ADGRL4: variants seen among roughly 807,000 people sequenced by gnomAD.
ADGRL4 encodes the protein EGF, latrophilin and seven transmembrane domain containing 1.
In ADGRL4, 90 loss-of-function variants were observed where a neutral mutation model predicts 74.8. The ratio of observed to expected loss-of-function variants is 1.20; its 90% CI spans 1.02 to 1.43. The LOEUF is 1.43. Among genes scored for constraint, ADGRL4 ranks in the 40% most tolerant of loss-of-function variants. The pLI, the probability that ADGRL4 is intolerant of heterozygous loss-of-function variation, is 0.00. For synonymous variants in ADGRL4, 311 were observed against 279.2 expected, an observed-to-expected ratio of 1.11 and a Z score of -1.14; for missense variants, 881 against 814.3, an observed-to-expected ratio of 1.08 and a Z score of -1.00.
At position 78,891,703 on chromosome 1, in the gene ADGRL4, T is replaced by C. The variant is rs747196632; in HGVS notation, c.1842-11A>G. On this transcript the variant is annotated splice_polypyrimidine_tract_variant and intron_variant, in intron 13 of 14. Transcript: ENST00000370742. ...CCTCTTGCACAAGACCTATCACATA[T>C]GAGAAATGCGTCAGTGAAGAAAGCT... The C allele has an allele frequency of 1.0e-5, 16 of 1,599,204 alleles. No homozygotes were observed. The highest frequency in any genetic ancestry group is 5.3e-5 in the Admixed American group (3 of 56,554).
intron 2 of ADGRL4, among the ~76,000 whole-genome samples, chr1:78,954,333 G>T (rs80191760): frequency 0.016 from 2,408 of 151,880 alleles, 80 homozygotes; most frequent in African/African-American, 0.055. Context: ...TCTGGAATGA[G>T]AAATGTACTG....
chr1:78,992,647 C>T (rs1219875428), intron 2 of ADGRL4, among the ~76,000 whole-genome samples: 2 of 152,122 alleles, frequency 1.3e-5, no homozygotes, highest in South Asian at 2.1e-4. Flanking sequence ...TTCATCTATG[C>T]TCAATGGCAA....
chr1:78,934,756 A>G (rs1259545910), intron 7 of ADGRL4, among the ~76,000 whole-genome samples: 1 of 152,202 alleles, frequency 6.6e-6, no homozygotes, highest in African/African-American at 2.4e-5. Context: ...ATATGGACAG[A>G]CACTTCTCAA....
At chr1:78,994,772 G>C (rs1051744419) in intron 2 of ADGRL4, among the ~76,000 whole-genome samples, 2 of 152,106 alleles carry the variant, frequency 1.3e-5, no homozygotes, top group Non-Finnish European at 2.9e-5. Flanking sequence ...TGTCCTCTGA[G>C]CACACATATA....
intron 2 of ADGRL4, among the ~76,000 whole-genome samples, chr1:78,955,889 GA>G (rs1261307646): frequency 6.6e-6 from 1 of 151,846 alleles, no homozygotes; most frequent in East Asian, 1.9e-4. Context: ...AAATATTTTG[GA>G]AAAAAACTAT....
intron 12 of ADGRL4, among the ~76,000 whole-genome samples, chr1:78,907,153 C>T (rs1648661423): frequency 6.6e-6 from 1 of 151,908 alleles, no homozygotes; most frequent in Admixed American, 6.6e-5. Context: ...CTACTGAAAG[C>T]ATGTCATAGG....
intron 14 of ADGRL4, 116 bp downstream of exon 14, chr1:78,891,408 C>A: frequency 7.9e-7 from 1 of 1,264,404 alleles, no homozygotes; most frequent in Non-Finnish European, 1.1e-6. Context: ...AACAGCTAGG[C>A]GATTTAGGCA....
At chr1:78,965,633 G>C (rs1287670800) in intron 2 of ADGRL4, among the ~76,000 whole-genome samples, 1 of 152,096 alleles carries the variant, frequency 6.6e-6, no homozygotes, top group Non-Finnish European at 1.5e-5. Flanking sequence ...AAACTCTCCT[G>C]TATCCATTTT....
chr1:79,003,221 C>T (rs1028887235), intron 2 of ADGRL4, among the ~76,000 whole-genome samples: 1 of 151,840 alleles, frequency 6.6e-6, no homozygotes, highest in African/African-American at 2.4e-5. Context: ...GTTGGGAATA[C>T]AGTGTTTTAA....
In ADGRL4 at chr1:78,936,381, T is replaced by C; in HGVS notation, c.791A>G (p.Asn264Ser). The C allele has an allele frequency of 6.4e-7, 1 of 1,571,184 alleles. No homozygotes were observed. Among genetic ancestry groups the C allele is most frequent in the South Asian group, 1.2e-5 (1 of 83,474 alleles). Residue 264 changes from asparagine to serine, a missense_variant, in exon 7 of 15, where the codon AAC becomes AGC. By Grantham distance (46) the Asn-to-Ser change is conservative (BLOSUM62 1). Coordinates refer to ENST00000370742, the MANE Select transcript of ADGRL4 (RefSeq NM_022159.4). The stretch of plus-strand genomic sequence containing the variant: ...CATATGAGGATGAATATGTTTCATG[T>C]TATATGAATCAAAAAAGAAAACTTT... ...ALKVFFFDSY[N>S]MKHIHPHMNM...
Position 78,938,263 on chromosome 1 carries a change from T to A in ADGRL4, c.413A>T (p.Glu138Val), listed in dbSNP as rs372754955. The change falls in exon 5 of 15, where the codon GAA (glutamate) becomes GTA (valine). Residue 138 changes from glutamate to valine, a missense_variant. Coordinates refer to ENST00000370742, the MANE Select transcript of ADGRL4 (RefSeq NM_022159.4). ...GACTTCTTGTAGCAAAGCCACAGGT[T>A]CTTTTATGGATCTGATCTGAGAAAA... is the stretch of plus-strand genomic sequence containing the variant. Reference protein sequence around the residue: ...KTLTKIRSIKEPVALLQEVYR... With the variant: ...KTLTKIRSIKVPVALLQEVYR... The A allele has an allele frequency of 2.5e-6, 4 of 1,601,274 alleles. No homozygotes were observed. In the African/African-American group the frequency reaches 5.4e-5, roughly 22 times the overall value.
At chr1:78,940,490 C>G (rs1649453497) in intron 3 of ADGRL4, among the ~76,000 whole-genome samples, 1 of 152,044 alleles carries the variant, frequency 6.6e-6, no homozygotes, top group South Asian at 2.1e-4. Context: ...TAATTTAAAA[C>G]TTTACTTACT....
rs1430793657 is a variant in ADGRL4 at position 78,920,230 on chromosome 1, G to T, written c.1414C>A (p.Leu472Ile). Residue 472 changes from leucine to isoleucine, a missense_variant, in exon 10 of 15, where the codon CTT (leucine) becomes ATT (isoleucine). Transcript: ENST00000370742. ...IHKNLCCSLF[L>I]AELVFLVGIN... is the part of the protein sequence containing the mutation. ...CCAACAAGAAAAACAAGTTCAGCAA[G>T]AAATAGGCTACAGCAAAGATTTTTG... 6.2e-7 allele frequency: 1 copy of T among 1,611,860 alleles called. No homozygotes were observed. Among genetic ancestry groups the T allele is most frequent in the Non-Finnish European group, 8.5e-7 (1 of 1,178,746 alleles).
At chr1:78,973,600 T>C (rs1042929714) in intron 2 of ADGRL4, among the ~76,000 whole-genome samples, 41 of 149,570 alleles carry the variant, frequency 2.7e-4, no homozygotes, top group Non-Finnish European at 2.7e-4. Flanking sequence ...AAATTGGTAA[T>C]ATATATTATC....
intron 2 of ADGRL4, 94 bp downstream of exon 2, chr1:79,004,976 C>A: frequency 8.1e-7 from 1 of 1,238,118 alleles, no homozygotes; most frequent in Non-Finnish European, 1.1e-6. Flanking sequence ...AACAGTATAA[C>A]ACAAAACAAG....
At chr1:78,986,463 G>A (rs112689862) in intron 2 of ADGRL4, among the ~76,000 whole-genome samples, 3,825 of 150,432 alleles carry the variant, frequency 0.025, 71 homozygotes, top group South Asian at 0.053. Flanking sequence ...AAAGAAAAAA[G>A]AAAATTAACT....
Position 78,893,093 on chromosome 1 carries a change from T to C in ADGRL4, c.1841+5A>G. 6.6e-7 allele frequency: 1 copy of C among 1,509,456 alleles called. No homozygotes were observed. Among genetic ancestry groups the C allele is most frequent in the Non-Finnish European group, 8.9e-7 (1 of 1,119,914 alleles). The allele number at this position is 1,509,456 out of a possible 1,614,324, so 93.5% of individuals were successfully genotyped here. ...AAAAAAAAGTGAACTTAAAGACGCA[T>C]TTACCTTATGTTCTCAAAGCAACTA... On this transcript the variant is annotated splice_donor_5th_base_variant and intron_variant, in intron 13 of 14. Transcript: ENST00000370742.
intron 3 of ADGRL4, among the ~76,000 whole-genome samples, chr1:78,944,609 G>A (rs748802445): frequency 2.0e-5 from 3 of 151,954 alleles, no homozygotes; most frequent in Non-Finnish European, 4.4e-5. Context: ...AAGCTTGATC[G>A]GCTGTATTTG....
chr1:78,951,305 G>A (rs1212281220), intron 2 of ADGRL4, among the ~76,000 whole-genome samples: 2 of 152,128 alleles, frequency 1.3e-5, no homozygotes, highest in African/African-American at 2.4e-5. Flanking sequence ...AAAGTCCAGA[G>A]GATTGAGGGT....
Sources: gnomAD v4.1 joint callset for allele counts (sites outside exome capture counted in the v4.1 genomes callset) on GRCh38, gnomAD v4.1.1 for gene constraint, MANE v1.5 for transcripts, NCBI Gene and HGNC (gene_info 2026-07-23, HGNC 2026-07-21) for gene names.